Variants in GGA1 observed in about 807,000 individuals in gnomAD.
The protein encoded by GGA1 is golgi associated, gamma adaptin ear containing, ARF binding protein 1, also known as ADP-ribosylation factor-binding protein GGA1.
GGA1 carries 18 observed loss-of-function variants against 76.9 expected under a neutral mutation model. The observed-to-expected ratio is 0.23, with a 90% CI of 0.16 to 0.35. The LOEUF (loss-of-function observed/expected upper bound fraction) is 0.35, where lower values mean the gene tolerates loss of function less well. GGA1 is among the 10% of genes least tolerant of loss of function. The probability of loss-of-function intolerance (pLI) is 1.00; values close to 1 mark genes in which losing one functional copy is unlikely to be tolerated. For missense variants in GGA1, 755 were observed against 859.0 expected (o/e 0.88, Z 1.51); for synonymous variants, 342 against 354.7 (o/e 0.96, Z 0.40).
At chr22:37,609,479 G>A (rs1464612031) in intron 1 of GGA1, 2 of 233,766 alleles carry the variant, frequency 8.6e-6, no homozygotes, top group African/African-American at 2.4e-5. Context: ...CTACAGGCTT[G>A]GGAGAGTCTT....
intron 1 of GGA1, among the ~76,000 whole-genome samples, chr22:37,611,193 C>A (rs1048784603): frequency 1.3e-5 from 2 of 152,104 alleles, no homozygotes; most frequent in African/African-American, 4.8e-5. Context: ...TTCCTGGTAT[C>A]CCCAGGAGGT....
chr22:37,618,308 T>C (rs747275008), intron 3 of GGA1, 140 bp from the exon 4 acceptor site: 6 of 610,500 alleles, frequency 9.8e-6, no homozygotes, highest in African/African-American at 1.8e-5. Flanking sequence ...TGTGTGACTC[T>C]GAATCTTCCA....
Position 37,620,336 on chromosome 22 carries a change from G to T in GGA1, c.402G>T (p.Glu134Asp), listed in dbSNP as rs1929654519. Residue 134 changes from glutamate (E) to aspartate (D), a missense_variant, in exon 5 of 17, where the codon GAG becomes GAT. Transcript: ENST00000343632. ...VGLPEEVKIA[E>D]AYQMLKKQGI... ...TGCCCGAGGAGGTGAAAATCGCAGA[G>T]GCCTACCAGATGCTAAAGAAGCAGG... is the stretch of plus-strand genomic sequence containing the variant. 2 of 1,614,038 alleles carry T rather than the reference G, an allele frequency of 1.2e-6. No homozygotes were observed. The highest frequency in any genetic ancestry group is 1.7e-5 in the Admixed American group (1 of 60,008).
chr22:37,629,197 T>C (rs558271507), intron 11 of GGA1, among the ~76,000 whole-genome samples: 1 of 152,200 alleles, frequency 6.6e-6, no homozygotes, highest in East Asian at 1.9e-4. Flanking sequence ...AAAGTCCTGA[T>C]GTCTATTGTC....
chr22:37,631,163 G>T, intron 14 of GGA1, 64 bp downstream of exon 14: 1 of 1,318,084 alleles, frequency 7.6e-7, no homozygotes, highest in Non-Finnish European at 1.0e-6. Context: ...CAGGAGCTCT[G>T]TCTGGGGAAG....
At chr22:37,611,514 A>G (rs1273226756) in intron 1 of GGA1, among the ~76,000 whole-genome samples, 1 of 152,230 alleles carries the variant, frequency 6.6e-6, no homozygotes, top group African/African-American at 2.4e-5. Flanking sequence ...TGAGGAGGGC[A>G]GGGATTTTGT....
At chr22:37,612,137 CAA>C (rs1927743989) in intron 1 of GGA1, among the ~76,000 whole-genome samples, 1 of 147,468 alleles carries the variant, frequency 6.8e-6, no homozygotes, top group African/African-American at 2.5e-5. Context: ...GCCTGGGCAA[CAA>C]AGCAAGACTC....
intron 4 of GGA1, 101 bp downstream of exon 4, chr22:37,618,647 T>A (rs762453255): frequency 1.4e-6 from 1 of 700,412 alleles, no homozygotes; most frequent in East Asian, 2.7e-5. Flanking sequence ...AGCCTCCCAC[T>A]GGGGTGTCAC....
rs768780134 is a variant in GGA1, at chr22:37,632,422, G to A, written c.1716G>A (p.Leu572=). The A allele has an allele frequency of 1.2e-6, 2 of 1,612,054 alleles. No individual in the cohort carries two copies. The highest frequency in any genetic ancestry group is 3.3e-5 in the Admixed American group (2 of 60,006). Residue 572 remains leucine, a synonymous_variant, in exon 16 of 17, where the codon CTG becomes CTA. Coordinates refer to ENST00000343632, the MANE Select transcript of GGA1 (RefSeq NM_013365.5). This position sits in a 1 kb window ranked among gnomAD's most constrained non-coding sequence, Gnocchi z 5.1. ...GCCCACAGGTTATGAAGGTGAAGCTGCAGCCACCCTCGGGCACGGAGCTGC... is the reference window on the plus strand; with the variant it reads ...GCCCACAGGTTATGAAGGTGAAGCTACAGCCACCCTCGGGCACGGAGCTGC... The part of the protein sequence containing the change: ...SAVPKVMKVK[L]QPPSGTELPA...
At chr22:37,618,390 G>A in intron 3 of GGA1, 58 bp from the exon 4 acceptor site, 2 of 1,013,538 alleles carry the variant, frequency 2.0e-6, no homozygotes, top group Non-Finnish European at 3.1e-6. Context: ...GGCGTGGGAG[G>A]GAGGCCACGG....
chr22:37,611,998 A>C (rs1005326937), intron 1 of GGA1, among the ~76,000 whole-genome samples: 2 of 151,876 alleles, frequency 1.3e-5, no homozygotes, highest in Non-Finnish European at 2.9e-5. Context: ...CCAAAAATAC[A>C]AAAAAATTAG....
intron 1 of GGA1, chr22:37,609,436 G>C (rs1569193789): frequency 1.7e-6 from 1 of 575,390 alleles, no homozygotes; most frequent in South Asian, 3.2e-5. Context: ...GCCGCTCCTA[G>C]TCTCTAGCCA....
At chr22:37,621,428 T>C (rs1426303970) in intron 6 of GGA1, among the ~76,000 whole-genome samples, 188 bp from the exon 7 acceptor site, 1 of 152,242 alleles carries the variant, frequency 6.6e-6, no homozygotes, top group Non-Finnish European at 1.5e-5. Context: ...GTGTGCACTT[T>C]ACATGCAGTG....
chr22:37,632,681 C>A lies in GGA1; in HGVS notation c.1890C>A (p.Phe630Leu). Residue 630 changes from phenylalanine (F) to leucine (L), a missense_variant, in exon 17 of 17, where the codon TTC (phenylalanine) becomes TTA (leucine). By Grantham distance (22) the Phe-to-Leu change is conservative. Transcript: ENST00000343632. This position sits in a 1 kb window ranked among gnomAD's most constrained non-coding sequence, Gnocchi z 5.1. The part of the protein sequence containing the change: ...TYNEMGDVDQ[F>L]PPPETWGSL ...ACGAGATGGGGGATGTGGACCAGTT[C>A]CCCCCACCTGAAACCTGGGGTAGCC... The A allele has an allele frequency of 3.7e-6, 6 of 1,609,164 alleles. No homozygotes were observed. Among genetic ancestry groups the A allele is most frequent in the Non-Finnish European group, 5.1e-6 (6 of 1,176,226 alleles).
intron 14 of GGA1, 48 bp downstream of exon 14, chr22:37,631,147 C>A: frequency 2.1e-6 from 3 of 1,403,246 alleles, no homozygotes; most frequent in Non-Finnish European, 2.9e-6. Flanking sequence ...CAGCTTGCTG[C>A]CCTGTCAGGA....
chr22:37,612,568 G>GCA (rs1927908823), intron 1 of GGA1: 1 of 125,110 alleles, frequency 8.0e-6, no homozygotes. Context: ...TCAGGAGATT[G>GCA]AGACCATCCT....
chr22:37,618,607 C>A, intron 4 of GGA1, 61 bp downstream of exon 4: 1 of 1,047,690 alleles, frequency 9.5e-7, no homozygotes, highest in Non-Finnish European at 1.5e-6. Flanking sequence ...GGAAAGAGGA[C>A]CTTCAGATTG....
intron 3 of GGA1, chr22:37,617,522 T>TA: frequency 1.0e-6 from 1 of 989,952 alleles, no homozygotes; most frequent in Non-Finnish European, 1.2e-6. Context: ...GTGGTAGAGA[T>TA]ACAGTTTCTC....
chr22:37,613,951 G>A (rs534927852), intron 1 of GGA1: 80 of 496,146 alleles, frequency 1.6e-4, no homozygotes, highest in African/African-American at 1.4e-3. Context: ...GGGAGGAGGG[G>A]AAGGGCCCTG....
Sources: gnomAD v4.1 joint callset for allele counts (sites outside exome capture counted in the v4.1 genomes callset) on GRCh38, gnomAD v4.1.1 for gene constraint, Gnocchi (gnomAD v3.1) non-coding constraint, MANE v1.5 for transcripts, NCBI Gene and HGNC (gene_info 2026-07-23, HGNC 2026-07-21) for gene names.